The following BMAL1 variants were observed in gnomAD, a reference collection of about 807,000 sequenced individuals.
BMAL1 encodes the protein basic helix-loop-helix ARNT-like protein 1.
At chr11:13,366,772 A>G in the BMAL1 span, 1 of 1,613,812 alleles carries the variant, frequency 6.2e-7, no homozygotes, top group Non-Finnish European at 8.5e-7. Context: ...AGCGGCTCAT[A>G]GATGCAAAAA....
chr11:13,323,187 C>CACAGCA, the BMAL1 span, among the ~76,000 whole-genome samples: 5 of 152,036 alleles, frequency 3.3e-5, no homozygotes, highest in Non-Finnish European at 7.4e-5. Flanking sequence ...AGGGCAGAGG[C>CACAGCA]TAGAGCCCTG....
At chr11:13,289,939 A>G in the BMAL1 span, among the ~76,000 whole-genome samples, 1 of 152,180 alleles carries the variant, frequency 6.6e-6, no homozygotes, top group East Asian at 1.9e-4. Flanking sequence ...CTAGTTCTAG[A>G]TCCTTGAGGA....
At chr11:13,378,018 G>A in the BMAL1 span, among the ~76,000 whole-genome samples, 1 of 152,278 alleles carries the variant, frequency 6.6e-6, no homozygotes, top group East Asian at 1.9e-4. Flanking sequence ...TAAACTGTGA[G>A]CTCCTTGAGG....
the BMAL1 span, among the ~76,000 whole-genome samples, chr11:13,338,930 C>A: frequency 6.6e-6 from 1 of 152,238 alleles, no homozygotes; most frequent in Non-Finnish European, 1.5e-5. Context: ...TTCACCTCCA[C>A]TCACAGCAAC....
chr11:13,302,277 A>G, the BMAL1 span, among the ~76,000 whole-genome samples: 1 of 152,186 alleles, frequency 6.6e-6, no homozygotes, highest in Non-Finnish European at 1.5e-5. Context: ...GGAGAGGGGC[A>G]GCAGGGTGAC....
the BMAL1 span, among the ~76,000 whole-genome samples, chr11:13,332,028 G>A: frequency 6.6e-6 from 1 of 152,116 alleles, no homozygotes; most frequent in Non-Finnish European, 1.5e-5. Context: ...GAGTGATTAC[G>A]GATGAGGAAG....
the BMAL1 span, among the ~76,000 whole-genome samples, chr11:13,288,663 G>C: frequency 3.9e-5 from 6 of 151,976 alleles, no homozygotes; most frequent in African/African-American, 1.5e-4. Flanking sequence ...TAAAGCATCA[G>C]TCCAGTGTTA....
chr11:13,285,348 T>C, the BMAL1 span, among the ~76,000 whole-genome samples: 1 of 152,212 alleles, frequency 6.6e-6, no homozygotes, highest in Non-Finnish European at 1.5e-5. Context: ...GCACTGAGGA[T>C]ACAGCAGTGA....
the BMAL1 span, among the ~76,000 whole-genome samples, chr11:13,374,633 C>T: frequency 7.9e-5 from 12 of 152,298 alleles, no homozygotes; most frequent in South Asian, 2.5e-3. Context: ...TCACCTCAGA[C>T]ATGCATTTCC....
chr11:13,303,193 T>C, the BMAL1 span, among the ~76,000 whole-genome samples: 1 of 152,212 alleles, frequency 6.6e-6, no homozygotes, highest in South Asian at 2.1e-4. Context: ...AGAGCTGGGC[T>C]TAAGCGGGCC....
the BMAL1 span, among the ~76,000 whole-genome samples, chr11:13,283,462 A>G: frequency 6.6e-6 from 1 of 152,204 alleles, no homozygotes; most frequent in Non-Finnish European, 1.5e-5. Context: ...GGCAGGTACT[A>G]TTATCCTTAC....
chr11:13,292,543 T>A, the BMAL1 span, among the ~76,000 whole-genome samples: 1 of 38,370 alleles, frequency 2.6e-5, no homozygotes, highest in African/African-American at 5.8e-5. Context: ...CGAGACTCCA[T>A]CTCAAAAAAA....
chr11:13,385,731 C>T, the BMAL1 span: 8 of 1,613,642 alleles, frequency 5.0e-6, no homozygotes, highest in Non-Finnish European at 6.8e-6. Context: ...CAGTGGCCTA[C>T]TATCAGGCCA....
At chr11:13,378,313 T>C in the BMAL1 span, 16 of 1,576,448 alleles carry the variant, frequency 1.0e-5, no homozygotes, top group African/African-American at 1.1e-4. Context: ...TCCCCTTTCC[T>C]ACTCTCAGAT....
At chr11:13,292,083 AG>A in the BMAL1 span, among the ~76,000 whole-genome samples, 1 of 152,048 alleles carries the variant, frequency 6.6e-6, no homozygotes, top group Non-Finnish European at 1.5e-5. Context: ...TGTCACTTAG[AG>A]CTCTCTCCCC....
At chr11:13,369,810 C>T in the BMAL1 span, 3 of 1,589,568 alleles carry the variant, frequency 1.9e-6, no homozygotes, top group African/African-American at 1.4e-5. Context: ...ACAGGTGAAG[C>T]ATGCTTTCTG....
At chr11:13,279,757 A>G in the BMAL1 span, among the ~76,000 whole-genome samples, 1 of 152,196 alleles carries the variant, frequency 6.6e-6, no homozygotes, top group Admixed American at 6.5e-5. Flanking sequence ...CCTGGACAGG[A>G]TTTGAAATTG....
chr11:13,372,004 T>C, the BMAL1 span, among the ~76,000 whole-genome samples: 4 of 152,206 alleles, frequency 2.6e-5, no homozygotes, highest in African/African-American at 9.7e-5. Context: ...TGTTTCTCTT[T>C]CCGTCTGCCC....
At chr11:13,303,227 C>T in the BMAL1 span, among the ~76,000 whole-genome samples, 6 of 152,296 alleles carry the variant, frequency 3.9e-5, no homozygotes, top group South Asian at 1.2e-3. Context: ...ACTCCATGTG[C>T]TCCATTCATT....
Sources: gnomAD v4.1 joint callset for allele counts (sites outside exome capture counted in the v4.1 genomes callset) on GRCh38, gnomAD v4.1.1 for gene constraint, MANE v1.5 for transcripts, NCBI Gene and HGNC (gene_info 2026-07-23, HGNC 2026-07-21) for gene names.